The following NPC1L1 variants were observed in gnomAD, a reference collection of about 807,000 sequenced individuals.
NPC1L1 encodes NPC1 like intracellular cholesterol transporter 1.
Under a neutral mutation model 117.0 loss-of-function variants are expected in NPC1L1, and 98 were observed. The ratio of observed to expected loss-of-function variants is 0.84; its 90% confidence interval spans 0.71 to 0.99. NPC1L1 has a LOEUF of 0.99. Among genes scored for constraint, NPC1L1 ranks in the 50% least tolerant of loss-of-function variants. The pLI, the probability that NPC1L1 is intolerant of heterozygous loss-of-function variation, is 0.00. For synonymous variants in NPC1L1, 729 were observed against 727.6 expected, an observed-to-expected ratio of 1.00 and a Z score of -0.03; for missense variants, 1,540 against 1,710.0, an observed-to-expected ratio of 0.90 and a Z score of 1.75.
Position 44,533,767 on chromosome 7 carries a change from G to C in NPC1L1, c.2253C>G (p.Ser751Arg). ...GRVAPSMLLC[S>R]LSEAICFFLG... ...GGAAGAAGCAGATGGCCTCAGAGAGGCTGCACAACAGCATGCTGGGAGCCA... is the reference window on the plus strand; with the variant it reads ...GGAAGAAGCAGATGGCCTCAGAGAGCCTGCACAACAGCATGCTGGGAGCCA... Residue 751 changes from serine to arginine, a missense_variant, in exon 7 of 19, where the codon AGC (serine) becomes AGG (arginine). This residue lies in a region of NPC1L1 where 742 missense variants were observed against 873.6 expected (regional missense o/e 0.85). Transcript: ENST00000381160. 6.2e-7 allele frequency: 1 copy of C among 1,614,124 alleles called. No individual in the cohort carries two copies. The highest frequency in any genetic ancestry group is 1.1e-5 in the South Asian group (1 of 91,070).
chr7:44,536,468 T>C lies in NPC1L1; in HGVS notation c.1682-40A>G, dbSNP rs1407854584. The C allele has an allele frequency of 1.9e-6, 3 of 1,600,870 alleles. No homozygotes were observed. Among genetic ancestry groups the C allele is most frequent in the African/African-American group, 1.3e-5 (1 of 74,942 alleles). On this transcript the variant is annotated intron_variant, in intron 3 of 18. Transcript: ENST00000381160. The surrounding 1 kb of genome is among the most constrained non-coding windows in gnomAD (Gnocchi z 4.7). Reference sequence around the variant, plus strand: ...ACTCAGACCCTTCCTGCTGCACCCGTGCCTCCCTCCCCCTCCAGCTGCACC... The same window carrying C: ...ACTCAGACCCTTCCTGCTGCACCCGCGCCTCCCTCCCCCTCCAGCTGCACC...
In NPC1L1 at chr7:44,526,213, T is replaced by C. The variant is rs557830886; in HGVS notation, c.2638-3971A>G. Among the ~76,000 whole-genome samples, 4 of 149,594 alleles carry C rather than the reference T, an allele frequency of 2.7e-5. 1 individual carries two copies. The South Asian group carries it at 8.5e-4, about 32-fold the overall frequency. Reference sequence around the variant, plus strand: ...AAACAAGTGCTGAAGAAAAAACAATTGTCAATGAAGAATCCTAATTCCAGC... The same window carrying C: ...AAACAAGTGCTGAAGAAAAAACAATCGTCAATGAAGAATCCTAATTCCAGC... On this transcript the variant is annotated intron_variant, in intron 10 of 18. Coordinates refer to ENST00000381160, the MANE Select transcript of NPC1L1 (RefSeq NM_001101648.2).
In NPC1L1 at chr7:44,539,048, C is replaced by A; in HGVS notation, c.1349G>T (p.Arg450Met). 1 of 1,614,112 alleles carries A rather than the reference C, an allele frequency of 6.2e-7. No individual in the cohort carries two copies. Residue 450 changes from arginine to methionine, a missense_variant, in exon 2 of 19, where the codon AGG (arginine) becomes ATG (methionine). Physicochemically the swap from Arg to Met is moderately conservative, Grantham distance 91. Around this residue, in one of 3 missense-constraint regions of NPC1L1, gnomAD observed 793 missense variants for 820.4 expected, o/e 0.97. Coordinates refer to ENST00000381160, the MANE Select transcript of NPC1L1 (RefSeq NM_001101648.2). This position sits in a 1 kb window ranked among gnomAD's most constrained non-coding sequence, Gnocchi z 4.4. ...CGACCATACCTGGAGGTGCCGCAGC[C>A]TCTCCTGCAGCTCTAGCAGCTCCAG... ...LLLELLELQE[R>M]LRHLQVWSPE... is the part of the protein sequence containing the mutation.
Position 44,538,941 on chromosome 7 carries a change from A to G in NPC1L1, c.1456T>C (p.Cys486Arg). The change falls in exon 2 of 19, where the codon TGC becomes CGC. Residue 486 changes from cysteine (C) to arginine (R), a missense_variant. By Grantham distance (180) the Cys-to-Arg change is radical. Transcript: ENST00000381160. The surrounding 1 kb of genome is among the most constrained non-coding windows in gnomAD (Gnocchi z 5.9). ...AAATACTGCAGGAGGCTGTTGATGC[A>G]GCAGTCGTAGAGACTGGTATTGTCC... ...NPDNTSLYDC[C>R]INSLLQYFQN... 1 of 1,614,222 alleles carries G rather than the reference A, an allele frequency of 6.2e-7. No individual in the cohort carries two copies. The highest frequency in any genetic ancestry group is 8.5e-7 in the Non-Finnish European group (1 of 1,180,034).
chr7:44,516,698 G>C lies in NPC1L1; in HGVS notation c.3519+5C>G. The C allele has an allele frequency of 6.2e-7, 1 of 1,605,210 alleles. No individual in the cohort carries two copies. The highest frequency in any genetic ancestry group is 1.3e-5 in the African/African-American group (1 of 74,906). On this transcript the variant is annotated splice_donor_5th_base_variant and intron_variant, in intron 16 of 18. Transcript: ENST00000381160. The stretch of plus-strand genomic sequence containing the variant: ...GCCCCCTGGTGCCTGTGTCTGCTGG[G>C]TTACCGAGACCAGGTTGATGAGGGA...
In NPC1L1 at chr7:44,539,721, C is replaced by T. The variant is rs1319321589; in HGVS notation, c.676G>A (p.Gly226Ser). Residue 226 changes from glycine (G) to serine (S), a missense_variant, in exon 2 of 19, where the codon GGC becomes AGC. Physicochemically the swap from Gly to Ser is moderately conservative, Grantham distance 56. This residue lies in a region of NPC1L1 where 793 missense variants were observed against 820.4 expected (regional missense o/e 0.97). Coordinates refer to ENST00000381160, the MANE Select transcript of NPC1L1 (RefSeq NM_001101648.2). The surrounding 1 kb of genome is among the most constrained non-coding windows in gnomAD (Gnocchi z 4.4). ...LDITFHLLEP[G>S]QAVGSGIQPL... is the part of the protein sequence containing the mutation. ...TGAATCCCACTCCCCACGGCCTGGC[C>T]AGGCTCCAAGAGGTGGAAGGTGATG... is the stretch of plus-strand genomic sequence containing the variant. The T allele has an allele frequency of 1.9e-6, 3 of 1,614,028 alleles. No homozygotes were observed. Among genetic ancestry groups the T allele is most frequent in the African/African-American group, 2.7e-5 (2 of 74,940 alleles).
Position 44,534,465 on chromosome 7 carries a change from G to A in NPC1L1, c.2148C>T (p.Ile716=), listed in dbSNP as rs115072266. The change falls in exon 6 of 19, where the codon ATC becomes ATT. Residue 716 remains isoleucine, a synonymous_variant. Coordinates refer to ENST00000381160, the MANE Select transcript of NPC1L1 (RefSeq NM_001101648.2). This position sits in a 1 kb window ranked among gnomAD's most constrained non-coding sequence, Gnocchi z 5.2. ...TTCTTACCTGGTACTCGAGAACAAAGATGAAGATGTTATCAGCCCCCACGG... is the reference window on the plus strand; with the variant it reads ...TTCTTACCTGGTACTCGAGAACAAAAATGAAGATGTTATCAGCCCCCACGG... ...VLSVGADNIF[I]FVLEYQRLPR... 1,219 of 1,614,148 alleles carry A rather than the reference G, an allele frequency of 7.6e-4. 7 individuals carry two copies. In the East Asian group the frequency reaches 0.019, roughly 25 times the overall value.
intron 10 of NPC1L1, among the ~76,000 whole-genome samples, chr7:44,528,092 T>C (rs1441962876): frequency 6.6e-6 from 1 of 152,152 alleles, no homozygotes; most frequent in Non-Finnish European, 1.5e-5. Flanking sequence ...GTGCTGGGAT[T>C]GCAGCCATGA....
In NPC1L1 at chr7:44,513,537, G is replaced by C. The variant is rs1476747451; in HGVS notation, c.3909C>G (p.Asp1303Glu). ...PNHPSRVSTA[D>E]NIYVNHSFEG... ...CAAAGCTGTGGTTGACATAGATGTT[G>C]TCAGCTGTGGAGACTCGGGAGGGGT... is the stretch of plus-strand genomic sequence containing the variant. Residue 1303 changes from aspartate (D) to glutamate (E), a missense_variant, in exon 19 of 19, where the codon GAC becomes GAG. Asp to Glu is a conservative substitution (Grantham distance 45). This residue lies in a region of NPC1L1 where 742 missense variants were observed against 873.6 expected (regional missense o/e 0.85). Transcript: ENST00000381160. 2 of 1,614,194 alleles carry C rather than the reference G, an allele frequency of 1.2e-6. No individual in the cohort carries two copies. Among genetic ancestry groups the C allele is most frequent in the Admixed American group, 1.7e-5 (1 of 60,022 alleles).
chr7:44,540,256 T>C lies in NPC1L1; in HGVS notation c.141A>G (p.Gly47=). The C allele has an allele frequency of 3.1e-6, 5 of 1,614,044 alleles. No homozygotes were observed. Among genetic ancestry groups the C allele is most frequent in the Non-Finnish European group, 4.2e-6 (5 of 1,180,016 alleles). Residue 47 remains glycine, a synonymous_variant, in exon 2 of 19, where the codon GGA becomes GGG. Coordinates refer to ENST00000381160, the MANE Select transcript of NPC1L1 (RefSeq NM_001101648.2). ...DECGKNPELS[G]SLMTLSNVSC... is the part of the protein sequence containing the mutation. ...ACACGTTGGAGAGTGTCATGAGGCTTCCAGACAGCTCTGGGTTCTTCCCAC... is the reference window on the plus strand; with the variant it reads ...ACACGTTGGAGAGTGTCATGAGGCTCCCAGACAGCTCTGGGTTCTTCCCAC...
rs1340058105 is a variant in NPC1L1 at position 44,516,693 on chromosome 7, G to C, written c.3519+10C>G. ...CAGAGGCCCCCTGGTGCCTGTGTCT[G>C]CTGGGTTACCGAGACCAGGTTGATG... On this transcript the variant is annotated intron_variant, in intron 16 of 18. Transcript: ENST00000381160. 2 of 1,601,942 alleles carry C rather than the reference G, an allele frequency of 1.2e-6. No individual in the cohort carries two copies. Among genetic ancestry groups the C allele is most frequent in the Admixed American group, 1.7e-5 (1 of 58,148 alleles).
At position 44,531,094 on chromosome 7, in the gene NPC1L1, G is replaced by A. The variant is rs116438977; in HGVS notation, c.2637+661C>T. Among the ~76,000 whole-genome samples, 1,305 of 152,296 alleles carry A rather than the reference G, an allele frequency of 8.6e-3. 19 individuals are homozygous for A. The highest frequency in any genetic ancestry group is 0.029 in the African/African-American group (1,205 of 41,564). On this transcript the variant is annotated intron_variant, in intron 10 of 18. Coordinates refer to ENST00000381160, the MANE Select transcript of NPC1L1 (RefSeq NM_001101648.2). The stretch of plus-strand genomic sequence containing the variant: ...ATGTGTCTCAGACTTTGTTGTCTGT[G>A]GCTGCTTCCTCTTGGCCACCAGCCC...
intron 1 of NPC1L1, among the ~76,000 whole-genome samples, chr7:44,540,578 G>A (rs1229407834): frequency 1.3e-5 from 2 of 152,108 alleles, no homozygotes; most frequent in Non-Finnish European, 2.9e-5. Context: ...GGAAAGTCAT[G>A]CTGGAGAGGC....
chr7:44,515,963 CA>C lies in NPC1L1; in HGVS notation c.3635del (p.Val1212GlyfsTer7). The stretch of plus-strand genomic sequence containing the variant: ...GGTTGGTCATGGCCACACCTGCAAA[CA>C]CCTGGGGGGTTCAGAGCCAGGTGTC... Reference protein sequence around the residue: ...KEATISMGSAVFAGVAMTNLP... With the variant: ...KEATISMGSAXFAGVAMTNLP... On this transcript the variant is annotated frameshift_variant and splice_region_variant, in exon 18 of 19. Transcript: ENST00000381160. LOFTEE classifies it high-confidence loss of function. 6.2e-7 allele frequency: 1 copy of C among 1,613,936 alleles called. No homozygotes were observed. Among genetic ancestry groups the C allele is most frequent in the South Asian group, 1.1e-5 (1 of 91,038 alleles).
At chr7:44,516,054 G>T in intron 17 of NPC1L1, 30 bp downstream of exon 17, 1 of 1,599,772 alleles carries the variant, frequency 6.3e-7, no homozygotes, top group Middle Eastern at 1.7e-4. Flanking sequence ...GTCGAGTGGG[G>T]CACAGGGTGG....
chr7:44,536,714 A>G lies in NPC1L1; in HGVS notation c.1681+128T>C. The stretch of plus-strand genomic sequence containing the variant: ...AGAGGAAACAGGACAGGGTTGGCCT[A>G]CAGCTTCCAGAAGCCAGGCTACCCC... On this transcript the variant is annotated intron_variant, in intron 3 of 18. Transcript: ENST00000381160. The surrounding 1 kb of genome is among the most constrained non-coding windows in gnomAD (Gnocchi z 4.7). 4.8e-6 allele frequency: 4 copies of G among 839,988 alleles called. No homozygotes were observed. The highest frequency in any genetic ancestry group is 1.4e-5 in the South Asian group (1 of 69,038). 52.0% of individuals were successfully genotyped at this position (839,988 alleles called of 1,614,324 possible).
chr7:44,515,163 T>C (rs1332212036), intron 18 of NPC1L1, among the ~76,000 whole-genome samples: 4 of 152,136 alleles, frequency 2.6e-5, no homozygotes, highest in Admixed American at 6.6e-5. Flanking sequence ...GAGACCAGCC[T>C]GGGCAACATA....
intron 8 of NPC1L1, among the ~76,000 whole-genome samples, chr7:44,532,748 C>T (rs1801744172): frequency 6.6e-6 from 1 of 152,124 alleles, no homozygotes; most frequent in Non-Finnish European, 1.5e-5. Context: ...GATGTGTTAT[C>T]GACTATTTAT....
rs768211442 is a variant in NPC1L1 at position 44,536,243 on chromosome 7, C to T, written c.1854+13G>A. ...GGTTGCACCCCCAGAGCCAGGGACC[C>T]TGCAGCCCCTACCTCAGCCATGAAC... On this transcript the variant is annotated intron_variant, in intron 4 of 18. Transcript: ENST00000381160. The surrounding 1 kb of genome is among the most constrained non-coding windows in gnomAD (Gnocchi z 4.7). 9.3e-6 allele frequency: 15 copies of T among 1,612,796 alleles called. No homozygotes were observed. The highest frequency in any genetic ancestry group is 6.7e-5 in the Admixed American group (4 of 60,010).
Sources: allele counts gnomAD v4.1 joint callset (sites outside exome capture counted in the v4.1 genomes callset), GRCh38; gene constraint gnomAD v4.1.1; regional missense constraint gnomAD v4.1.1; non-coding constraint Gnocchi (gnomAD v3.1); transcripts MANE v1.5; gene names NCBI Gene and HGNC (gene_info 2026-07-23, HGNC 2026-07-21).